CADPS: variants seen among roughly 807,000 people sequenced by gnomAD.
CADPS encodes calcium dependent secretion activator.
Under a neutral mutation model 167.3 loss-of-function variants are expected in CADPS, and 57 were observed. The ratio of observed to expected loss-of-function variants is 0.34; its 90% CI spans 0.28 to 0.42. The LOEUF is 0.42. Among genes scored for constraint, CADPS ranks in the 20% least tolerant of loss-of-function variants. The pLI is 1.00. For synonymous variants in CADPS, 676 were observed against 635.3 expected (o/e 1.06, Z -0.96); for missense variants, 1,414 against 1,738.1 (o/e 0.81, Z 3.32).
At chr3:62,737,290 A>G (rs2079173922) in intron 3 of CADPS, among the ~76,000 whole-genome samples, 1 of 151,948 alleles carries the variant, frequency 6.6e-6, no homozygotes, top group Non-Finnish European at 1.5e-5. Context: ...GTCTACAAAA[A>G]TTAAAAACAA....
intron 7 of CADPS, among the ~76,000 whole-genome samples, chr3:62,588,868 C>T (rs1379486071): frequency 2.0e-5 from 3 of 151,956 alleles, no homozygotes; most frequent in African/African-American, 7.3e-5. Context: ...TAGTAGCTTC[C>T]AACTGTGCTT....
intron 1 of CADPS, among the ~76,000 whole-genome samples, chr3:62,769,467 G>A (rs141899975): frequency 0.028 from 4,270 of 152,078 alleles, 72 homozygotes; most frequent in South Asian, 0.061. Flanking sequence ...CCTGACTTCA[G>A]GTGATCCACC....
intron 4 of CADPS, among the ~76,000 whole-genome samples, chr3:62,660,901 T>C (rs1263188342): frequency 6.6e-6 from 1 of 152,232 alleles, no homozygotes; most frequent in Non-Finnish European, 1.5e-5. Context: ...AGCCCTGATA[T>C]TTAGACAGAC....
intron 8 of CADPS, among the ~76,000 whole-genome samples, chr3:62,579,067 T>G (rs2082880094): frequency 6.6e-6 from 1 of 152,184 alleles, no homozygotes; most frequent in African/African-American, 2.4e-5. Flanking sequence ...TGTATTCCTT[T>G]TGAAGTTTGT....
intron 1 of CADPS, among the ~76,000 whole-genome samples, chr3:62,835,699 C>T (rs1312482111): frequency 6.6e-6 from 1 of 152,104 alleles, no homozygotes; most frequent in Non-Finnish European, 1.5e-5. Flanking sequence ...GTAGTATTGC[C>T]AGGAAAAAGT....
chr3:62,663,611 C>CAAAAAAAAA (rs34328613), intron 3 of CADPS, among the ~76,000 whole-genome samples: 1 of 120,226 alleles, frequency 8.3e-6, no homozygotes, highest in African/African-American at 3.3e-5. Context: ...TCCCTGCCTC[C>CAAAAAAAAA]AAAAAAAAAA....
intron 1 of CADPS, among the ~76,000 whole-genome samples, chr3:62,846,646 T>C (rs534042635): frequency 6.6e-6 from 1 of 152,048 alleles, no homozygotes; most frequent in Non-Finnish European, 1.5e-5. Flanking sequence ...TCTTTTTTTG[T>C]TTGTTTTTTG....
At chr3:62,831,876 T>A (rs1482454319) in intron 1 of CADPS, among the ~76,000 whole-genome samples, 1 of 152,172 alleles carries the variant, frequency 6.6e-6, no homozygotes, top group Non-Finnish European at 1.5e-5. Context: ...GTATTTGAAT[T>A]CTTGCTCATT....
rs946874983 is a variant in CADPS, at chr3:62,765,883, C to G, written c.543G>C (p.Gln181His). Reference protein sequence around the residue: ...MADEAFMNAVQSYYEVFLKSD... With the variant: ...MADEAFMNAVHSYYEVFLKSD... The stretch of plus-strand genomic sequence containing the variant: ...CAGTGATTCTCACCTCATAGTAACT[C>G]TGCACAGCGTTCATGAAGGCTTCGT... The change falls in exon 2 of 30, where the codon CAG becomes CAC. Residue 181 changes from glutamine (Q) to histidine (H), a missense_variant. Physicochemically the swap from Gln to His is conservative, Grantham distance 24. This residue lies in a region of CADPS where 522 missense variants were observed against 559.5 expected (regional missense o/e 0.93). Transcript: ENST00000383710. 5 of 1,610,030 alleles carry G rather than the reference C, an allele frequency of 3.1e-6. No individual in the cohort carries two copies. In the African/African-American group the frequency reaches 6.7e-5, roughly 22 times the overall value.
At position 62,492,329 on chromosome 3, in the gene CADPS, G is replaced by C; in HGVS notation, c.2845C>G (p.Pro949Ala). The C allele has an allele frequency of 6.2e-7, 1 of 1,614,088 alleles. No homozygotes were observed. The highest frequency in any genetic ancestry group is 1.1e-5 in the South Asian group (1 of 91,082). Residue 949 changes from proline to alanine, a missense_variant, in exon 20 of 30, where the codon CCA (proline) becomes GCA (alanine). Transcript: ENST00000383710. ...AAATCATTCAGCAGCTGAAATAGTG[G>C]AAAACTGTCCCATGTGTCTGGAGGT... ...VQPPDTWDSF[P>A]LFQLLNDFLR...
intron 3 of CADPS, among the ~76,000 whole-genome samples, chr3:62,681,012 C>T (rs1459291882): frequency 6.6e-6 from 1 of 152,122 alleles, no homozygotes; most frequent in East Asian, 1.9e-4. Flanking sequence ...TCCCTGTGAT[C>T]CTGCTGAATT....
intron 3 of CADPS, among the ~76,000 whole-genome samples, chr3:62,748,168 C>CAAAAAA (rs139568165): frequency 1.6e-5 from 1 of 63,198 alleles, no homozygotes; most frequent in Non-Finnish European, 2.8e-5. Flanking sequence ...ACTAAAATTA[C>CAAAAAA]AAAAAAAAAA....
chr3:62,582,717 T>C (rs1459451036), intron 8 of CADPS, among the ~76,000 whole-genome samples: 1 of 152,196 alleles, frequency 6.6e-6, no homozygotes, highest in African/African-American at 2.4e-5. Flanking sequence ...TCTTGGTGTA[T>C]CTCCTGGCAG....
chr3:62,677,367 T>C lies in CADPS; in HGVS notation c.889-14973A>G, dbSNP rs560076921. On this transcript the variant is annotated intron_variant, in intron 3 of 29. Transcript: ENST00000383710. ...GGTTTAGATTTGACACTAGCTCAGA[T>C]TGGGATTTTTCTGACAAAATTCTAT... 5.9e-5 allele frequency among the ~76,000 whole-genome samples: 9 copies of C among 152,234 alleles called. No individual in the cohort carries two copies. The South Asian group carries it at 1.9e-3, about 32-fold the overall frequency.
Position 62,753,352 on chromosome 3 carries a change from T to C in CADPS, c.888+89A>G. 9.9e-7 allele frequency: 1 copy of C among 1,010,908 alleles called. No homozygotes were observed. The highest frequency in any genetic ancestry group is 1.5e-6 in the Non-Finnish European group (1 of 682,134). The allele number at this position is 1,010,908 out of a possible 1,614,324, so 62.6% of individuals were successfully genotyped here. On this transcript the variant is annotated intron_variant, in intron 3 of 29. Transcript: ENST00000383710. The surrounding 1 kb of genome is among the most constrained non-coding windows in gnomAD (Gnocchi z 4.6). ...GTAATAAAATATAAGTTTTAATCCT[T>C]TTTTTAAAAAAATCAAGAAGTATCT... is the stretch of plus-strand genomic sequence containing the variant.
chr3:62,711,221 A>T (rs1385523707), intron 3 of CADPS, among the ~76,000 whole-genome samples: 1 of 152,188 alleles, frequency 6.6e-6, no homozygotes, highest in East Asian at 1.9e-4. Context: ...AATAATAGGT[A>T]TTTATTTATT....
At chr3:62,561,655 T>C (rs2079192001) in intron 9 of CADPS, among the ~76,000 whole-genome samples, 1 of 152,018 alleles carries the variant, frequency 6.6e-6, no homozygotes, top group Non-Finnish European at 1.5e-5. Context: ...TGCCCTTGAG[T>C]TTCAATTATA....
intron 1 of CADPS, among the ~76,000 whole-genome samples, chr3:62,768,289 A>G (rs1336544061): frequency 6.6e-6 from 1 of 152,172 alleles, no homozygotes; most frequent in Non-Finnish European, 1.5e-5. Context: ...AGGACCAACC[A>G]AGGCATCTCA....
chr3:62,699,260 C>T (rs763921332), intron 3 of CADPS, among the ~76,000 whole-genome samples: 1 of 151,410 alleles, frequency 6.6e-6, no homozygotes, highest in Non-Finnish European at 1.5e-5. Flanking sequence ...TGATCTTGAA[C>T]CCCTGGGCTC....
Sources: gnomAD v4.1 joint callset for allele counts (sites outside exome capture counted in the v4.1 genomes callset) on GRCh38, gnomAD v4.1.1 for gene constraint, gnomAD v4.1.1 regional missense constraint, Gnocchi (gnomAD v3.1) non-coding constraint, MANE v1.5 for transcripts, NCBI Gene and HGNC (gene_info 2026-07-23, HGNC 2026-07-21) for gene names.